The following DNM3 variants were observed in gnomAD, a reference collection of about 807,000 sequenced individuals.
DNM3 encodes the protein dynamin-3.
DNM3 carries 47 observed loss-of-function variants against 101.6 expected under a neutral mutation model. The ratio of observed to expected loss-of-function variants is 0.46; its 90% confidence interval spans 0.37 to 0.59. DNM3 has a LOEUF of 0.59. Ranked by LOEUF, DNM3 falls within the 20% of genes least tolerant of loss-of-function variation. The pLI, the probability that DNM3 is intolerant of heterozygous loss-of-function variation, is 0.00. For synonymous variants in DNM3, 385 were observed against 387.9 expected (o/e 0.99, Z 0.09); for missense variants, 849 against 1,085.7 (o/e 0.78, Z 3.06).
chr1:172,336,919 C>T (rs955348855), intron 17 of DNM3, among the ~76,000 whole-genome samples: 1 of 152,116 alleles, frequency 6.6e-6, no homozygotes, highest in South Asian at 2.1e-4. Flanking sequence ...ATCTACCTCA[C>T]GAGGACTAAA....
In DNM3 at chr1:172,409,784, A is replaced by G; in HGVS notation, c.*1943A>G. 1 of 985,660 alleles carries G rather than the reference A, an allele frequency of 1.0e-6. No individual in the cohort carries two copies. Among genetic ancestry groups the G allele is most frequent in the South Asian group, 4.7e-5 (1 of 21,282 alleles). The allele number at this position is 985,660 out of a possible 1,614,324, so 61.1% of individuals were successfully genotyped here. The stretch of plus-strand genomic sequence containing the variant: ...TTTGCTTCTTCCTTTGAATTCTCTA[A>G]AATAGGCAGCTAACGGATTATATAC... On this transcript the variant is annotated 3_prime_UTR_variant, in exon 21 of 21. Coordinates refer to ENST00000627582, the MANE Select transcript of DNM3 (RefSeq NM_015569.5).
intron 15 of DNM3, among the ~76,000 whole-genome samples, chr1:172,291,109 C>T (rs1405775606): frequency 6.6e-6 from 1 of 152,044 alleles, no homozygotes; most frequent in Admixed American, 6.6e-5. Context: ...AGGATTACAG[C>T]CCTCACTTGG....
At chr1:172,017,048 C>G (rs1396065299) in intron 4 of DNM3, among the ~76,000 whole-genome samples, 2 of 152,072 alleles carry the variant, frequency 1.3e-5, no homozygotes. Flanking sequence ...ATAATATTCT[C>G]TTATTATTCT....
chr1:172,198,007 C>G (rs2060015996), intron 14 of DNM3, among the ~76,000 whole-genome samples: 1 of 152,064 alleles, frequency 6.6e-6, no homozygotes, highest in Admixed American at 6.6e-5. Flanking sequence ...GGAATGCTTC[C>G]AACTTTTTCC....
rs114182016 is a variant in DNM3 at position 171,947,414 on chromosome 1, G to A, written c.235+25593G>A. Among the ~76,000 whole-genome samples, 367 of 152,202 alleles carry A rather than the reference G, an allele frequency of 2.4e-3. 7 individuals are homozygous for A. The highest frequency in any genetic ancestry group is 7.9e-3 in the African/African-American group (328 of 41,532). ...GAAAAGGATGTGCATTATCCATCAAGGCTTCTAATTTGACTAGGCTTAGAT... is the reference window on the plus strand; with the variant it reads ...GAAAAGGATGTGCATTATCCATCAAAGCTTCTAATTTGACTAGGCTTAGAT... On this transcript the variant is annotated intron_variant, in intron 2 of 20. Transcript: ENST00000627582.
At chr1:171,855,456 T>G (rs2033498862) in intron 1 of DNM3, among the ~76,000 whole-genome samples, 1 of 152,224 alleles carries the variant, frequency 6.6e-6, no homozygotes, top group Non-Finnish European at 1.5e-5. Context: ...ATCACCATAC[T>G]CCTTTCCGCA....
At chr1:172,418,322 C>T in exon 21 of DNM3, 1 of 1,288,764 alleles carries the variant, frequency 7.8e-7, no homozygotes, top group Non-Finnish European at 1.0e-6. Context: ...TCCTAACCCC[C>T]ATCATTCATC....
intron 10 of DNM3, among the ~76,000 whole-genome samples, chr1:172,054,406 T>C (rs1219132430): frequency 1.3e-5 from 2 of 152,186 alleles, no homozygotes; most frequent in Non-Finnish European, 2.9e-5. Flanking sequence ...ATTATTTTGG[T>C]GGGCATCTCT....
intron 15 of DNM3, chr1:172,289,562 C>G: frequency 1.1e-6 from 1 of 943,592 alleles, no homozygotes; most frequent in Non-Finnish European, 1.3e-6. Flanking sequence ...ATATTTGGTT[C>G]TCCACATTAA....
chr1:172,416,225 T>C (rs1167948234), downstream of DNM3, among the ~76,000 whole-genome samples: 1 of 152,226 alleles, frequency 6.6e-6, no homozygotes, highest in Non-Finnish European at 1.5e-5. Flanking sequence ...GTGGCAATTG[T>C]ATGAGGTACC....
intron 11 of DNM3, among the ~76,000 whole-genome samples, chr1:172,075,247 T>C (rs1281092310): frequency 6.6e-6 from 1 of 152,196 alleles, no homozygotes; most frequent in Non-Finnish European, 1.5e-5. Flanking sequence ...AAAATTTTTT[T>C]CCCATTCTAT....
chr1:172,242,213 C>T (rs2061775484), intron 14 of DNM3, among the ~76,000 whole-genome samples: 2 of 152,060 alleles, frequency 1.3e-5, no homozygotes, highest in South Asian at 4.1e-4. Context: ...TGGCTGCTGG[C>T]GTTCTGGGGC....
intron 15 of DNM3, among the ~76,000 whole-genome samples, chr1:172,295,975 GA>G (rs1322302653): frequency 6.6e-6 from 1 of 152,054 alleles, no homozygotes. Context: ...AATGAAATCA[GA>G]ACAAAGAACT....
intron 14 of DNM3, among the ~76,000 whole-genome samples, chr1:172,224,643 A>T (rs747565728): frequency 6.6e-6 from 1 of 152,218 alleles, no homozygotes; most frequent in Non-Finnish European, 1.5e-5. Flanking sequence ...GCTTACTTAC[A>T]TACATTTTGA....
intron 9 of DNM3, among the ~76,000 whole-genome samples, chr1:172,047,015 T>C (rs2049862876): frequency 8.0e-6 from 1 of 124,996 alleles, no homozygotes; most frequent in Non-Finnish European, 1.7e-5. Context: ...TGGTGGTTAT[T>C]ATATGCCTGT....
intron 17 of DNM3, among the ~76,000 whole-genome samples, chr1:172,367,752 T>G (rs1412663585): frequency 2.0e-5 from 3 of 151,932 alleles, no homozygotes; most frequent in African/African-American, 7.2e-5. Context: ...TGAAAATATA[T>G]ATTCCATACA....
intron 17 of DNM3, among the ~76,000 whole-genome samples, chr1:172,350,404 C>T (rs1306173197): frequency 6.6e-6 from 1 of 151,842 alleles, no homozygotes. Context: ...CTGATGAACA[C>T]AGAGAGCTGG....
intron 11 of DNM3, among the ~76,000 whole-genome samples, chr1:172,081,320 T>C (rs2053127311): frequency 6.6e-6 from 1 of 152,128 alleles, no homozygotes; most frequent in Non-Finnish European, 1.5e-5. Context: ...AGTTGGCTGA[T>C]CAAATGCTTT....
At chr1:172,291,714 C>T (rs2063923616) in intron 15 of DNM3, among the ~76,000 whole-genome samples, 1 of 151,956 alleles carries the variant, frequency 6.6e-6, no homozygotes, top group Admixed American at 6.6e-5. Flanking sequence ...GGCTGGGTAC[C>T]CATTTGATAG....
Sources: gnomAD v4.1 joint callset for allele counts (sites outside exome capture counted in the v4.1 genomes callset) on GRCh38, gnomAD v4.1.1 for gene constraint, MANE v1.5 for transcripts, NCBI Gene and HGNC (gene_info 2026-07-23, HGNC 2026-07-21) for gene names.